Variants in ATP10A observed in about 807,000 individuals in gnomAD.
ATP10A encodes the protein ATPase phospholipid transporting 10A (putative).
Under a neutral mutation model 147.8 loss-of-function variants are expected in ATP10A, and 111 were observed. The observed-to-expected ratio is 0.75, with a 90% CI of 0.64 to 0.88. ATP10A has a LOEUF of 0.88. ATP10A is among the 40% of genes least tolerant of loss of function. The pLI is 0.00. For synonymous variants in ATP10A, 875 were observed against 841.6 expected (o/e 1.04, Z -0.69); for missense variants, 1,927 against 1,959.0 (o/e 0.98, Z 0.31).
intron 2 of ATP10A, among the ~76,000 whole-genome samples, chr15:25,749,700 T>C (rs1289306065): frequency 6.6e-6 from 1 of 152,176 alleles, no homozygotes; most frequent in Non-Finnish European, 1.5e-5. Flanking sequence ...ACACAGATGT[T>C]AGAATTTGTA....
intron 1 of ATP10A, among the ~76,000 whole-genome samples, chr15:25,791,840 G>T (rs1466628822): frequency 6.6e-6 from 1 of 152,102 alleles, no homozygotes; most frequent in African/African-American, 2.4e-5. Context: ...ATTTCTAGTT[G>T]TAGCATAATT....
chr15:25,707,121 C>T (rs1022216344), intron 12 of ATP10A, among the ~76,000 whole-genome samples: 2 of 152,200 alleles, frequency 1.3e-5, no homozygotes, highest in Non-Finnish European at 2.9e-5. Context: ...AAAATGTGTG[C>T]AGATATATGT....
chr15:25,862,576 G>T, intron 1 of ATP10A, 72 bp downstream of exon 1: 1 of 1,416,304 alleles, frequency 7.1e-7, no homozygotes, highest in Non-Finnish European at 9.4e-7. Context: ...CAATCACTGT[G>T]CCCAACACCA....
intron 12 of ATP10A, among the ~76,000 whole-genome samples, chr15:25,703,773 A>T (rs1021803060): frequency 6.6e-6 from 1 of 151,962 alleles, no homozygotes; most frequent in African/African-American, 2.4e-5. Context: ...ACCCCAGAAG[A>T]CCCCCTCAGG....
chr15:25,771,886 G>A (rs944661247), intron 2 of ATP10A, among the ~76,000 whole-genome samples: 1 of 151,744 alleles, frequency 6.6e-6, no homozygotes, highest in Non-Finnish European at 1.5e-5. Flanking sequence ...CCAAGGAGCT[G>A]GAATTACAGG....
rs542466936 is a variant in ATP10A at position 25,801,882 on chromosome 15, CAG to C, written c.450-20661_450-20660del. 9.7e-4 allele frequency among the ~76,000 whole-genome samples: 148 copies of C among 152,254 alleles called. 1 individual carries two copies. The highest frequency in any genetic ancestry group is 3.3e-3 in the African/African-American group (138 of 41,562). On this transcript the variant is annotated intron_variant, in intron 1 of 20. Transcript: ENST00000555815. ...AGTTGCTGACTCGTTACATGGATAACAGATCCAGGCGGTGAACAGCTGGCCAC... is the reference window on the plus strand; with the variant it reads ...AGTTGCTGACTCGTTACATGGATAACATCCAGGCGGTGAACAGCTGGCCAC...
At chr15:25,796,631 G>A (rs1295572650) in intron 1 of ATP10A, among the ~76,000 whole-genome samples, 12 of 152,182 alleles carry the variant, frequency 7.9e-5, no homozygotes, top group Admixed American at 2.6e-4. Flanking sequence ...CACACTGGGG[G>A]ACCTTCTCCC....
At chr15:25,757,722 T>C (rs894759458) in intron 2 of ATP10A, among the ~76,000 whole-genome samples, 12 of 152,224 alleles carry the variant, frequency 7.9e-5, no homozygotes, top group African/African-American at 2.7e-4. Context: ...TAGATATGAG[T>C]TCTAAATTTC....
chr15:25,746,146 A>G (rs1170631297), intron 2 of ATP10A, among the ~76,000 whole-genome samples: 1 of 152,192 alleles, frequency 6.6e-6, no homozygotes, highest in African/African-American at 2.4e-5. Context: ...TGCAGATACT[A>G]GAAAAGTGTG....
chr15:25,730,718 T>A (rs1202887166), intron 3 of ATP10A, among the ~76,000 whole-genome samples: 1 of 152,150 alleles, frequency 6.6e-6, no homozygotes, highest in Non-Finnish European at 1.5e-5. Context: ...CATTGGCAAA[T>A]CCTGGGCAGA....
chr15:25,741,346 G>A (rs951310392), intron 2 of ATP10A, among the ~76,000 whole-genome samples: 5 of 152,078 alleles, frequency 3.3e-5, no homozygotes, highest in East Asian at 1.9e-4. Context: ...CCTGCCTGCC[G>A]CACCATCTCC....
intron 2 of ATP10A, among the ~76,000 whole-genome samples, chr15:25,756,591 C>T (rs775407197): frequency 7.2e-5 from 11 of 151,850 alleles, no homozygotes; most frequent in Non-Finnish European, 1.3e-4. Flanking sequence ...TGCAGTCAGC[C>T]GAGATCCTAC....
rs1226185575 is a variant in ATP10A, at chr15:25,712,207, CCTT to C, written c.2344+1464_2344+1466del. 6.6e-5 allele frequency among the ~76,000 whole-genome samples: 10 copies of C among 152,282 alleles called. No homozygotes were observed. The South Asian group carries it at 1.5e-3, about 22-fold the overall frequency. ...GACGGGGTGGAGTGTGAAATGTGGT[CCTT>C]CTTTTATGAAATAATGGCTGATGGT... On this transcript the variant is annotated intron_variant, in intron 10 of 20. Transcript: ENST00000555815.
chr15:25,705,425 G>A (rs1900917291), intron 12 of ATP10A, among the ~76,000 whole-genome samples: 1 of 126,194 alleles, frequency 7.9e-6, no homozygotes, highest in Non-Finnish European at 1.6e-5. Context: ...GACAGAGTGA[G>A]ACTCTGTCTC....
In ATP10A at chr15:25,863,144, C is replaced by G; in HGVS notation, c.-48G>C. The G allele has an allele frequency of 9.1e-7, 1 of 1,103,512 alleles. No individual in the cohort carries two copies. Among genetic ancestry groups the G allele is most frequent in the Non-Finnish European group, 1.1e-6 (1 of 904,570 alleles). 68.4% of individuals were successfully genotyped at this position (1,103,512 alleles called of 1,614,324 possible). The stretch of plus-strand genomic sequence containing the variant: ...CTCCTCCGCCGCTCACGCCCGCCCG[C>G]GCCGGCCTCTTAGGTTATCATCACT... On this transcript the variant is annotated 5_prime_UTR_variant, in exon 1 of 21. Coordinates refer to ENST00000555815, the MANE Select transcript of ATP10A (RefSeq NM_024490.4).
chr15:25,766,113 A>G (rs1254720381), intron 2 of ATP10A, among the ~76,000 whole-genome samples: 1 of 152,228 alleles, frequency 6.6e-6, no homozygotes, highest in African/African-American at 2.4e-5. Context: ...AAAATTAGGA[A>G]GAAACAAAAG....
At chr15:25,740,232 TA>T (rs1887510421) in intron 2 of ATP10A, among the ~76,000 whole-genome samples, 1 of 152,204 alleles carries the variant, frequency 6.6e-6, no homozygotes, top group Non-Finnish European at 1.5e-5. Flanking sequence ...TACAGTCCAT[TA>T]AAGAGGATAC....
At chr15:25,827,243 AC>A (rs1182664143) in intron 1 of ATP10A, among the ~76,000 whole-genome samples, 2 of 152,202 alleles carry the variant, frequency 1.3e-5, no homozygotes, top group Non-Finnish European at 2.9e-5. Context: ...CCACTAGCAG[AC>A]CCCTCTCCTA....
intron 1 of ATP10A, chr15:25,841,437 C>T (rs1303236448): frequency 2.6e-5 from 4 of 152,016 alleles, no homozygotes; most frequent in Non-Finnish European, 5.9e-5. Flanking sequence ...ATGTGCCATC[C>T]CTTTGCTGAT....
Sources: allele counts gnomAD v4.1 joint callset (sites outside exome capture counted in the v4.1 genomes callset), GRCh38; gene constraint gnomAD v4.1.1; transcripts MANE v1.5; gene names NCBI Gene and HGNC (gene_info 2026-07-23, HGNC 2026-07-21).